CLVS1: variants seen among roughly 807,000 people sequenced by gnomAD.
CLVS1 encodes the protein clavesin-1.
A neutral mutation model predicts 33.1 loss-of-function variants in CLVS1; 10 were observed. That is an observed-to-expected ratio of 0.30 (90% confidence interval 0.19 to 0.51). CLVS1 has a LOEUF of 0.51. Ranked by LOEUF, CLVS1 falls within the 20% of genes least tolerant of loss-of-function variation. CLVS1 has a pLI of 0.97. For missense variants in CLVS1, 343 were observed against 433.4 expected, an observed-to-expected ratio of 0.79 and a Z score of 1.85; for synonymous variants, 163 against 166.1, an observed-to-expected ratio of 0.98 and a Z score of 0.14.
At chr8:61,399,581 C>A (rs1814669747) in intron 3 of CLVS1, among the ~76,000 whole-genome samples, 1 of 152,138 alleles carries the variant, frequency 6.6e-6, no homozygotes, top group Non-Finnish European at 1.5e-5. Flanking sequence ...GCAATTGCAT[C>A]TGGCATTTTC....
At chr8:61,456,901 G>C (rs1817184802) in intron 4 of CLVS1, among the ~76,000 whole-genome samples, 4 of 147,264 alleles carry the variant, frequency 2.7e-5, no homozygotes, top group Admixed American at 2.7e-4. Context: ...TTGGGCAACA[G>C]AGCAAGACTC....
Position 61,149,551 on chromosome 8 carries a change from C to CAAAAAAAA in CLVS1, c.-152+17701_-152+17708dup, listed in dbSNP as rs1166606940. 6.9e-3 allele frequency among the ~76,000 whole-genome samples: 359 copies of CAAAAAAAA among 51,694 alleles called. 12 individuals carry two copies. Among genetic ancestry groups the CAAAAAAAA allele is most frequent in the African/African-American group, 7.6e-3 (122 of 16,040 alleles). The allele number at this position is 51,694 out of a possible 152,430, so 33.9% of individuals were successfully genotyped here. A position where few individuals can be genotyped will look rare whatever the true frequency, so the allele number is the denominator to read the frequency against. ...TAGGCGACAGAACGAGACTCTGTCT[C>CAAAAAAAA]AAAAAAAAAAAAAAAAACAAAAAAC... On this transcript the variant is annotated intron_variant, in intron 2 of 2. Coordinates refer to the CLVS1 transcript ENST00000522621.
chr8:61,357,489 C>CTTTTTTTTTTTTTTTTTTTTTT lies in CLVS1; in HGVS notation c.456-19112_456-19111insTTTTTTTTTTTTTTTTTTTTTT, dbSNP rs1462908906. On this transcript the variant is annotated intron_variant, in intron 2 of 5. Coordinates refer to ENST00000325897, the MANE Select transcript of CLVS1 (RefSeq NM_173519.3). Reference sequence around the variant, plus strand: ...TTTTCCTTCTTTTTCTTTCCTTTTTCTTTTCTTTTTTTTTTTTTTTTTTTT... The same window carrying CTTTTTTTTTTTTTTTTTTTTTT: ...TTTTCCTTCTTTTTCTTTCCTTTTTCTTTTTTTTTTTTTTTTTTTTTTTTTTCTTTTTTTTTTTTTTTTTTTT... 2.6e-4 allele frequency among the ~76,000 whole-genome samples: 8 copies of CTTTTTTTTTTTTTTTTTTTTTT among 30,262 alleles called. 1 individual carries two copies. The East Asian group carries it at 3.9e-3, about 15-fold the overall frequency. 19.9% of individuals were successfully genotyped at this position (30,262 alleles called of 152,430 possible).
intron 2 of CLVS1, among the ~76,000 whole-genome samples, chr8:61,316,198 T>A (rs544898772): frequency 6.6e-6 from 1 of 152,360 alleles, no homozygotes; most frequent in South Asian, 2.1e-4. Flanking sequence ...CAAAGCCATA[T>A]GCACACGTAT....
chr8:61,245,758 A>T (rs1298152751), intron 2 of CLVS1, among the ~76,000 whole-genome samples: 1 of 151,230 alleles, frequency 6.6e-6, no homozygotes, highest in African/African-American at 2.4e-5. Context: ...TTCTTTCCTC[A>T]TTATTAGCTT....
intron 2 of CLVS1, among the ~76,000 whole-genome samples, chr8:61,188,043 A>G (rs1254211419): frequency 6.6e-6 from 1 of 152,084 alleles, no homozygotes; most frequent in Non-Finnish European, 1.5e-5. Flanking sequence ...GACAAATTTG[A>G]ACTTTTGTTT....
the CLVS1 span, among the ~76,000 whole-genome samples, chr8:60,986,915 G>T: frequency 6.6e-6 from 1 of 152,346 alleles, no homozygotes; most frequent in African/African-American, 2.4e-5. Flanking sequence ...ATTTCTTTGA[G>T]ACTAGAAAGG....
intron 3 of CLVS1, among the ~76,000 whole-genome samples, chr8:61,417,826 CAGA>C (rs1420395526): frequency 2.0e-5 from 3 of 152,158 alleles, no homozygotes. Context: ...GATCTGGATT[CAGA>C]AGGAGAAACC....
intron 2 of CLVS1, among the ~76,000 whole-genome samples, chr8:61,238,768 A>G (rs1808625918): frequency 6.6e-6 from 1 of 152,234 alleles, no homozygotes; most frequent in African/African-American, 2.4e-5. Flanking sequence ...ATTCCATCAA[A>G]TGAAGATAAT....
At chr8:61,233,902 T>C (rs991426719) in intron 2 of CLVS1, among the ~76,000 whole-genome samples, 1 of 152,262 alleles carries the variant, frequency 6.6e-6, no homozygotes, top group South Asian at 2.1e-4. Context: ...CAGCCTCTTG[T>C]CTCCGCACAT....
At position 61,242,003 on chromosome 8, in the gene CLVS1, G is replaced by T. The variant is rs542415766; in HGVS notation, c.-151-57674G>T. On this transcript the variant is annotated intron_variant, in intron 2 of 2. Transcript: ENST00000522621. ...TCTGTGGTCTCTATTTTTTCTAAAC[G>T]TGCAGTCATTGTTGAATTGTTATTT... Among the ~76,000 whole-genome samples, 183 of 151,606 alleles carry T rather than the reference G, an allele frequency of 1.2e-3. 1 individual carries two copies. Among genetic ancestry groups the T allele is most frequent in the African/African-American group, 4.3e-3 (176 of 41,342 alleles).
At chr8:61,084,374 C>A (rs1805079673) in intron 1 of CLVS1, among the ~76,000 whole-genome samples, 1 of 152,144 alleles carries the variant, frequency 6.6e-6, no homozygotes, top group East Asian at 1.9e-4. Context: ...GAGTTCTCAA[C>A]CAGGGGTGAT....
intron 2 of CLVS1, among the ~76,000 whole-genome samples, chr8:61,271,545 G>A: frequency 6.8e-6 from 1 of 146,494 alleles, no homozygotes; most frequent in East Asian, 2.0e-4. Context: ...TTGGTGCATA[G>A]CTGAGTTCAA....
the CLVS1 span, among the ~76,000 whole-genome samples, chr8:60,970,414 C>T: frequency 4.7e-4 from 72 of 152,332 alleles, no homozygotes; most frequent in Middle Eastern, 6.8e-3. Context: ...TCATTTCTTC[C>T]TCCTTGGTTA....
At chr8:61,328,221 C>T (rs111589446) in intron 2 of CLVS1, among the ~76,000 whole-genome samples, 3 of 152,300 alleles carry the variant, frequency 2.0e-5, no homozygotes, top group African/African-American at 4.8e-5. Context: ...CATGCTTTTG[C>T]TGCCTTCTGA....
rs768250595 is a variant in CLVS1, at chr8:61,351,139, A to G, written c.456-25466A>G. ...TAGTAGGAGCATCCCAGGATGTTCT[A>G]AATAGGACCATATAAATGCTTCAGC... On this transcript the variant is annotated intron_variant, in intron 2 of 5. Coordinates refer to ENST00000325897, the MANE Select transcript of CLVS1 (RefSeq NM_173519.3). Among the ~76,000 whole-genome samples the G allele has an allele frequency of 9.8e-4, 149 of 152,222 alleles. 1 individual carries two copies. Among genetic ancestry groups the G allele is most frequent in the Non-Finnish European group, 1.4e-3 (94 of 67,996 alleles).
intron 2 of CLVS1, among the ~76,000 whole-genome samples, chr8:61,203,578 A>G (rs1651632184): frequency 1.3e-5 from 2 of 152,218 alleles, no homozygotes; most frequent in Non-Finnish European, 2.9e-5. Context: ...CAGGTCTTTA[A>G]ATAAATGTTG....
At chr8:60,998,235 G>A in the CLVS1 span, among the ~76,000 whole-genome samples, 1 of 152,160 alleles carries the variant, frequency 6.6e-6, no homozygotes, top group African/African-American at 2.4e-5. Context: ...AGAGGGAAAG[G>A]AGGGGTGCTG....
chr8:60,968,100 G>C, the CLVS1 span, among the ~76,000 whole-genome samples: 8 of 152,166 alleles, frequency 5.3e-5, no homozygotes, highest in African/African-American at 1.9e-4. Flanking sequence ...CTGGCGAATT[G>C]TTACGTATTT....
Sources: allele counts gnomAD v4.1 joint callset (sites outside exome capture counted in the v4.1 genomes callset), GRCh38; gene constraint gnomAD v4.1.1; transcripts MANE v1.5; gene names NCBI Gene and HGNC (gene_info 2026-07-23, HGNC 2026-07-21).